PTPRD: variants seen among roughly 807,000 people sequenced by gnomAD.
PTPRD encodes the protein receptor-type tyrosine-protein phosphatase delta.
Under a neutral mutation model 214.5 loss-of-function variants are expected in PTPRD, and 34 were observed. The observed-to-expected ratio is 0.16, with a 90% CI of 0.12 to 0.21. The LOEUF is 0.21. Ranked by LOEUF, PTPRD falls within the 10% of genes least tolerant of loss-of-function variation. The probability of loss-of-function intolerance (pLI) is 1.00; values close to 1 mark genes in which losing one functional copy is unlikely to be tolerated. For missense variants in PTPRD, 2,545 were observed against 2,398.7 expected, an observed-to-expected ratio of 1.06 and a Z score of -1.27; for synonymous variants, 1,128 against 845.7, an observed-to-expected ratio of 1.33 and a Z score of -5.79.
intron 12 of PTPRD, among the ~76,000 whole-genome samples, chr9:8,659,325 A>T (rs186134349): frequency 6.6e-6 from 1 of 152,208 alleles, no homozygotes; most frequent in Admixed American, 6.5e-5. Flanking sequence ...GAAGTCACAA[A>T]ATGTTCCAGC....
chr9:8,747,314 C>G (rs1351363276), intron 11 of PTPRD, among the ~76,000 whole-genome samples: 2 of 152,072 alleles, frequency 1.3e-5, no homozygotes, highest in African/African-American at 4.8e-5. Flanking sequence ...TATATACAGG[C>G]TCTAAGTATG....
rs947772304 is a variant in PTPRD, at chr9:8,849,501, C to T, written c.-103-115555G>A. 2.0e-5 allele frequency among the ~76,000 whole-genome samples: 3 copies of T among 152,304 alleles called. No individual in the cohort carries two copies. In the East Asian group the frequency reaches 5.8e-4, roughly 29 times the overall value. On this transcript the variant is annotated intron_variant, in intron 11 of 45. Coordinates refer to ENST00000381196, the MANE Select transcript of PTPRD (RefSeq NM_002839.4). Reference sequence around the variant, plus strand: ...TCGGCCTCCCAAAGTGCTGGGATTACAGGCGTGAGCCACCGCGCCTGGTCC... The same window carrying T: ...TCGGCCTCCCAAAGTGCTGGGATTATAGGCGTGAGCCACCGCGCCTGGTCC...
intron 7 of PTPRD, among the ~76,000 whole-genome samples, chr9:9,582,618 G>A (rs775034934): frequency 1.3e-5 from 2 of 152,018 alleles, no homozygotes; most frequent in Non-Finnish European, 2.9e-5. Flanking sequence ...AATTACTTTT[G>A]CGATGATGAA....
chr9:9,121,710 T>A (rs112337854), intron 10 of PTPRD, among the ~76,000 whole-genome samples: 1 of 152,002 alleles, frequency 6.6e-6, no homozygotes, highest in African/African-American at 2.4e-5. Context: ...AGACAACAGA[T>A]ATGGTGCAGT....
At chr9:10,145,197 A>T (rs1472967370) in intron 3 of PTPRD, among the ~76,000 whole-genome samples, 1 of 152,148 alleles carries the variant, frequency 6.6e-6, no homozygotes, top group Non-Finnish European at 1.5e-5. Context: ...ATAAAAATTC[A>T]TTTAGGACCA....
chr9:10,425,220 G>A (rs1426623708), intron 2 of PTPRD, among the ~76,000 whole-genome samples: 3 of 151,890 alleles, frequency 2.0e-5, no homozygotes, highest in Non-Finnish European at 4.4e-5. Flanking sequence ...CAGCTCATTA[G>A]AGTTATTCAA....
chr9:9,125,285 A>C (rs74936672), intron 10 of PTPRD, among the ~76,000 whole-genome samples: 3,065 of 152,220 alleles, frequency 0.02, 55 homozygotes, highest in East Asian at 0.071. Flanking sequence ...CTGTCATGGG[A>C]GCACCTCGCT....
At position 9,776,643 on chromosome 9, in the gene PTPRD, A is replaced by G. The variant is rs576666075; in HGVS notation, c.-367-9792T>C. On this transcript the variant is annotated intron_variant, in intron 5 of 45. Transcript: ENST00000381196. ...TCCCTTCTAGCTAACAAGAAAAAAAAGAACATGCTAGTTTAACAACCTAAT... is the reference window on the plus strand; with the variant it reads ...TCCCTTCTAGCTAACAAGAAAAAAAGGAACATGCTAGTTTAACAACCTAAT... Among the ~76,000 whole-genome samples, 4 of 152,360 alleles carry G rather than the reference A, an allele frequency of 2.6e-5. No homozygotes were observed. In the South Asian group the frequency reaches 8.3e-4, roughly 32 times the overall value.
chr9:9,619,294 G>T (rs888546745), intron 7 of PTPRD, among the ~76,000 whole-genome samples: 1 of 151,826 alleles, frequency 6.6e-6, no homozygotes, highest in Non-Finnish European at 1.5e-5. Context: ...TTTGAGACTA[G>T]ACGATTAAGA....
chr9:8,493,989 GAC>G (rs1201582077), intron 26 of PTPRD, among the ~76,000 whole-genome samples: 4 of 119,388 alleles, frequency 3.4e-5, no homozygotes, highest in South Asian at 2.7e-4. Flanking sequence ...CACACACACA[GAC>G]ACACACAGAC....
At chr9:9,070,085 A>G (rs2099741578) in intron 10 of PTPRD, among the ~76,000 whole-genome samples, 1 of 152,184 alleles carries the variant, frequency 6.6e-6, no homozygotes, top group African/African-American at 2.4e-5. Flanking sequence ...TTCAAGTGTC[A>G]GCAGAGCTTA....
intron 12 of PTPRD, among the ~76,000 whole-genome samples, chr9:8,637,854 G>A (rs544430832): frequency 1.2e-3 from 185 of 152,214 alleles, no homozygotes; most frequent in Non-Finnish European, 2.3e-3. Context: ...TACCACATGA[G>A]AAATGCTTAT....
chr9:8,855,490 C>T (rs753455572), intron 11 of PTPRD, among the ~76,000 whole-genome samples: 1 of 152,106 alleles, frequency 6.6e-6, no homozygotes, highest in Non-Finnish European at 1.5e-5. Flanking sequence ...TTTAATTCAT[C>T]CACCTTTTTA....
intron 36 of PTPRD, among the ~76,000 whole-genome samples, chr9:8,397,929 G>C (rs1399719162): frequency 6.6e-6 from 1 of 152,052 alleles, no homozygotes; most frequent in Non-Finnish European, 1.5e-5. Flanking sequence ...ATATATATTT[G>C]AATTTCCATT....
chr9:8,473,844 T>A (rs2096709437), intron 30 of PTPRD, among the ~76,000 whole-genome samples: 1 of 152,214 alleles, frequency 6.6e-6, no homozygotes, highest in African/African-American at 2.4e-5. Context: ...AGCATTCATC[T>A]AGGGCAGTCA....
intron 4 of PTPRD, among the ~76,000 whole-genome samples, chr9:9,944,152 T>C (rs1435298651): frequency 1.3e-5 from 2 of 152,132 alleles, no homozygotes; most frequent in Middle Eastern, 3.2e-3. Context: ...TTTGTTGAGA[T>C]TGCATTGCAG....
intron 7 of PTPRD, among the ~76,000 whole-genome samples, chr9:9,630,402 TC>T (rs2095553552): frequency 6.6e-6 from 1 of 152,114 alleles, no homozygotes; most frequent in Non-Finnish European, 1.5e-5. Context: ...GTTTCTAAGA[TC>T]CAACCAATGT....
chr9:9,237,575 C>T (rs1268045387), intron 9 of PTPRD, among the ~76,000 whole-genome samples: 1 of 152,160 alleles, frequency 6.6e-6, no homozygotes, highest in East Asian at 1.9e-4. Flanking sequence ...ATCTTCCCTT[C>T]CCCCAAAGCC....
intron 3 of PTPRD, among the ~76,000 whole-genome samples, chr9:10,268,165 G>T (rs1390578906): frequency 1.4e-5 from 2 of 139,818 alleles, no homozygotes; most frequent in African/African-American, 2.7e-5. Flanking sequence ...TAGTGTGCTT[G>T]TTTAGTCTTA....
Sources: gnomAD v4.1 joint callset for allele counts (sites outside exome capture counted in the v4.1 genomes callset) on GRCh38, gnomAD v4.1.1 for gene constraint, MANE v1.5 for transcripts, NCBI Gene and HGNC (gene_info 2026-07-23, HGNC 2026-07-21) for gene names.